The following GRIN2C variants were observed in gnomAD, a reference collection of about 807,000 sequenced individuals.
The protein encoded by GRIN2C is glutamate receptor ionotropic, NMDA 2C.
In GRIN2C, 64 loss-of-function variants were observed where a neutral mutation model predicts 77.7. The ratio of observed to expected loss-of-function variants is 0.82; its 90% CI spans 0.67 to 1.01. The LOEUF is 1.01. GRIN2C is among the 50% of genes least tolerant of loss of function. The pLI is 0.00. For synonymous variants in GRIN2C, 792 were observed against 643.4 expected, an observed-to-expected ratio of 1.23 and a Z score of -3.49; for missense variants, 1,549 against 1,486.0, an observed-to-expected ratio of 1.04 and a Z score of -0.70.
chr17:74,855,864 G>A (rs949080678), intron 1 of GRIN2C, among the ~76,000 whole-genome samples: 22 of 152,236 alleles, frequency 1.4e-4, no homozygotes, highest in African/African-American at 3.9e-4. Context: ...GGCACTGGAC[G>A]TCACTACAGC....
intron 2 of GRIN2C, chr17:74,852,829 C>G: frequency 2.4e-6 from 1 of 417,642 alleles, no homozygotes; most frequent in Non-Finnish European, 4.2e-6. Flanking sequence ...CACGCTGGCC[C>G]GCAGACCCGC....
upstream of GRIN2C, among the ~76,000 whole-genome samples, chr17:74,860,112 C>T (rs2037918815): frequency 6.6e-6 from 1 of 152,066 alleles, no homozygotes; most frequent in African/African-American, 2.4e-5. Context: ...ATCCCAGGCC[C>T]GCCCGGGGGC....
At chr17:74,857,726 G>T (rs1163209913) in intron 1 of GRIN2C, among the ~76,000 whole-genome samples, 1 of 152,118 alleles carries the variant, frequency 6.6e-6, no homozygotes, top group East Asian at 1.9e-4. Flanking sequence ...GATCTGTGCT[G>T]CCCAGTATAG....
rs765894647 is a variant in GRIN2C, at chr17:74,842,610, G to C, written c.3527C>G (p.Ser1176Cys). The change falls in exon 13 of 13, where the codon TCC becomes TGC. Residue 1176 changes from serine (S) to cysteine (C), a missense_variant. Ser to Cys is a moderately radical substitution (Grantham distance 112). This residue lies in a region of GRIN2C where 450 missense variants were observed against 267.9 expected (regional missense o/e 1.68). Coordinates refer to ENST00000293190, the MANE Select transcript of GRIN2C (RefSeq NM_000835.6). ...PHLPPCASHG[S>C]WLSGAWGPLG... ...AGGCCCCCAGGCCCCGGAGAGCCAG[G>C]AGCCGTGGCTGGCACAGGGTGGAAG... 28 of 763,524 alleles carry C rather than the reference G, an allele frequency of 3.7e-5. 1 individual carries two copies. In the South Asian group the frequency reaches 3.7e-4, roughly 10 times the overall value. 47.3% of individuals were successfully genotyped at this position (763,524 alleles called of 1,614,324 possible).
At chr17:74,844,701 C>T (rs1428959415) in intron 11 of GRIN2C, among the ~76,000 whole-genome samples, 193 bp from the exon 12 acceptor site, 1 of 152,046 alleles carries the variant, frequency 6.6e-6, no homozygotes, top group Non-Finnish European at 1.5e-5. Flanking sequence ...GGTCAGTGAG[C>T]AAGGAAATAG....
chr17:74,843,275 C>A lies in GRIN2C; in HGVS notation c.2862G>T (p.Glu954Asp). 1 of 990,638 alleles carries A rather than the reference C, an allele frequency of 1.0e-6. No homozygotes were observed. The highest frequency in any genetic ancestry group is 1.7e-5 in the African/African-American group (1 of 58,216). 61.4% of individuals were successfully genotyped at this position (990,638 alleles called of 1,614,324 possible). The change falls in exon 13 of 13, where the codon GAG (glutamate) becomes GAT (aspartate). Residue 954 changes from glutamate (E) to aspartate (D), a missense_variant. Physicochemically the swap from Glu to Asp is conservative, Grantham distance 45. Transcript: ENST00000293190. The stretch of plus-strand genomic sequence containing the variant: ...GCGGTCCCCAGCCCGTGGGGCTCGG[C>A]TCTGGGGGCGGGTCGGGGGTGGGCA... ...PCLPTPDPPP[E>D]PSPTGWGPPD... is the part of the protein sequence containing the mutation.
At chr17:74,844,200 G>A (rs1317565008) in intron 12 of GRIN2C, 76 bp downstream of exon 12, 1 of 1,576,382 alleles carries the variant, frequency 6.3e-7, no homozygotes, top group Non-Finnish European at 8.6e-7. Context: ...TCTGGAAATG[G>A]GCCATGGCCA....
intron 2 of GRIN2C, 29 bp from the exon 3 acceptor site, chr17:74,852,640 G>GA (rs1473770074): frequency 1.7e-5 from 16 of 934,084 alleles, no homozygotes; most frequent in Non-Finnish European, 2.1e-5. Context: ...TGAGCGGGGC[G>GA]GGAGGGCCGA....
intron 12 of GRIN2C, chr17:74,844,057 A>C: frequency 1.1e-6 from 1 of 879,952 alleles, no homozygotes; most frequent in Non-Finnish European, 1.7e-6. Context: ...TATTTTCTGT[A>C]GAGATGGGTT....
Position 74,850,601 on chromosome 17 carries a change from A to G in GRIN2C, c.1280T>C (p.Val427Ala). ...CCTGCGGCAGGGCACGGTGTTGGGG[A>G]CACAGCCTCCTGTGCCAGGGTCAGG... ...ESPDPGTGGC[V>A]PNTVPCRRQS... Residue 427 changes from valine to alanine, a missense_variant, in exon 5 of 13, where the codon GTC becomes GCC. Physicochemically the swap from Val to Ala is moderately conservative, Grantham distance 64 (BLOSUM62 0). Around this residue, in one of 3 missense-constraint regions of GRIN2C, gnomAD observed 717 missense variants for 858.1 expected, o/e 0.84. Transcript: ENST00000293190. The surrounding 1 kb of genome is among the most constrained non-coding windows in gnomAD (Gnocchi z 5.3). 6.2e-7 allele frequency: 1 copy of G among 1,613,566 alleles called. No individual in the cohort carries two copies. Among genetic ancestry groups the G allele is most frequent in the South Asian group, 1.1e-5 (1 of 91,082 alleles).
At position 74,852,405 on chromosome 17, in the gene GRIN2C, C is replaced by T; in HGVS notation, c.606G>A (p.Glu202=). Residue 202 remains glutamate (E), a synonymous_variant, in exon 3 of 13, where the codon GAG becomes GAA. Coordinates refer to ENST00000293190, the MANE Select transcript of GRIN2C (RefSeq NM_000835.6). ...GCGCGCGCGGCCCTCCCGGGCCCAG[C>T]TCCAGCGTGACCACGTCCAGCAGCC... ...SWRLLDVVTL[E]LGPGGPRART... is the part of the protein sequence containing the mutation. The T allele has an allele frequency of 6.7e-7, 1 of 1,492,106 alleles. No individual in the cohort carries two copies. Among genetic ancestry groups the T allele is most frequent in the Non-Finnish European group, 8.9e-7 (1 of 1,128,442 alleles). The allele number at this position is 1,492,106 out of a possible 1,614,324, so 92.4% of individuals were successfully genotyped here.
chr17:74,843,354 C>A lies in GRIN2C; in HGVS notation c.2783G>T (p.Arg928Leu), dbSNP rs756475049. 6.6e-7 allele frequency: 1 copy of A among 1,520,470 alleles called. No individual in the cohort carries two copies. Among genetic ancestry groups the A allele is most frequent in the African/African-American group, 1.4e-5 (1 of 72,044 alleles). The allele number at this position is 1,520,470 out of a possible 1,614,324, so 94.2% of individuals were successfully genotyped here. The change falls in exon 13 of 13, where the codon CGT (arginine) becomes CTT (leucine). Residue 928 changes from arginine (R) to leucine (L), a missense_variant. By Grantham distance (102) the Arg-to-Leu change is moderately radical. Around this residue, in one of 3 missense-constraint regions of GRIN2C, gnomAD observed 450 missense variants for 267.9 expected, o/e 1.68. Coordinates refer to ENST00000293190, the MANE Select transcript of GRIN2C (RefSeq NM_000835.6). ...RTIENWGGGR[R>L]APPPSPCPTP... ...CGGGCAGGGGGACGGTGGGGGCGCA[C>A]GGCGGCCGCCACCCCAATTCTCGAT...
In GRIN2C at chr17:74,849,412, C is replaced by T. The variant is rs1214200442; in HGVS notation, c.1645+368G>A. 6.6e-6 allele frequency among the ~76,000 whole-genome samples: 1 copy of T among 152,206 alleles called. No homozygotes were observed. The highest frequency in any genetic ancestry group is 1.9e-4 in the East Asian group (1 of 5,196). On this transcript the variant is annotated intron_variant, in intron 7 of 12. Coordinates refer to ENST00000293190, the MANE Select transcript of GRIN2C (RefSeq NM_000835.6). The surrounding 1 kb of genome is among the most constrained non-coding windows in gnomAD (Gnocchi z 4.6). Reference sequence around the variant, plus strand: ...GCCGGACTCCTCACCCAGGAAGCAACACACCTCTTCGCACACTACACTCGC... The same window carrying T: ...GCCGGACTCCTCACCCAGGAAGCAATACACCTCTTCGCACACTACACTCGC...
Position 74,859,700 on chromosome 17 carries a change from C to G in GRIN2C, c.-16+44G>C, listed in dbSNP as rs1371843825. The stretch of plus-strand genomic sequence containing the variant: ...CGGACCCCGCCCGGACTCCCCCTGG[C>G]CACCGGGACGCCCCGCCCCCTCCCC... On this transcript the variant is annotated intron_variant, in intron 1 of 12. Coordinates refer to ENST00000293190, the MANE Select transcript of GRIN2C (RefSeq NM_000835.6). The surrounding 1 kb of genome is among the most constrained non-coding windows in gnomAD (Gnocchi z 5.9). The G allele has an allele frequency of 6.6e-6, 1 of 152,264 alleles. No homozygotes were observed. The highest frequency in any genetic ancestry group is 1.5e-5 in the Non-Finnish European group (1 of 68,112). The allele number at this position is 152,264 out of a possible 1,614,324, so 9.4% of individuals were successfully genotyped here. A position where few individuals can be genotyped will look rare whatever the true frequency, so the allele number is the denominator to read the frequency against.
chr17:74,858,623 A>AC (rs2037880761), intron 1 of GRIN2C, among the ~76,000 whole-genome samples: 1 of 16,042 alleles, frequency 6.2e-5, no homozygotes, highest in Non-Finnish European at 1.2e-4. Flanking sequence ...CCACCTACCC[A>AC]CCCCCGCCAG....
At chr17:74,857,741 C>T (rs780590818) in intron 1 of GRIN2C, among the ~76,000 whole-genome samples, 2 of 152,178 alleles carry the variant, frequency 1.3e-5, no homozygotes, top group Non-Finnish European at 2.9e-5. Flanking sequence ...GTATAGGAGC[C>T]GCCAGTCATA....
chr17:74,846,896 G>T lies in GRIN2C; in HGVS notation c.2026C>A (p.Pro676Thr), dbSNP rs773948754. Residue 676 changes from proline to threonine, a missense_variant, in exon 10 of 13, where the codon CCA becomes ACA. Pro to Thr is a conservative substitution (Grantham distance 38). Coordinates refer to ENST00000293190, the MANE Select transcript of GRIN2C (RefSeq NM_000835.6). This position sits in a 1 kb window ranked among gnomAD's most constrained non-coding sequence, Gnocchi z 4.4. ...GGCACCGTGCCGAAGCGGAAAGGTG[G>T]GTACTGATCTTGAGGCCGCTGAAAC... ...KKFQRPQDQY[P>T]PFRFGTVPNG... 4 of 1,612,148 alleles carry T rather than the reference G, an allele frequency of 2.5e-6. No homozygotes were observed. The African/African-American group carries it at 5.3e-5, about 22-fold the overall frequency.
At position 74,843,384 on chromosome 17, in the gene GRIN2C, C is replaced by G; in HGVS notation, c.2753G>C (p.Arg918Pro). Reference sequence around the variant, plus strand: ...GCCGCCACCCCAATTCTCGATGGTGCGAGTGGCGCGGTCCAGGGAGCTGCT... The same window carrying G: ...GCCGCCACCCCAATTCTCGATGGTGGGAGTGGCGCGGTCCAGGGAGCTGCT... The part of the protein sequence containing the change: ...GVSSSLDRAT[R>P]TIENWGGGRR... Residue 918 changes from arginine (R) to proline (P), a missense_variant, in exon 13 of 13, where the codon CGC (arginine) becomes CCC (proline). This residue lies in a region of GRIN2C where 450 missense variants were observed against 267.9 expected (regional missense o/e 1.68). Coordinates refer to ENST00000293190, the MANE Select transcript of GRIN2C (RefSeq NM_000835.6). 1.3e-6 allele frequency: 2 copies of G among 1,532,374 alleles called. No homozygotes were observed. The highest frequency in any genetic ancestry group is 1.7e-6 in the Non-Finnish European group (2 of 1,144,068). The allele number at this position is 1,532,374 out of a possible 1,614,324, so 94.9% of individuals were successfully genotyped here.
chr17:74,854,990 C>T lies in GRIN2C; in HGVS notation c.103G>A (p.Val35Met). The T allele has an allele frequency of 6.2e-7, 1 of 1,608,388 alleles. No individual in the cohort carries two copies. The change falls in exon 2 of 13, where the codon GTG becomes ATG. Residue 35 changes from valine (V) to methionine (M), a missense_variant. Around this residue, in one of 3 missense-constraint regions of GRIN2C, gnomAD observed 382 missense variants for 360.0 expected, o/e 1.06. Coordinates refer to ENST00000293190, the MANE Select transcript of GRIN2C (RefSeq NM_000835.6). ...TGGGGCGGCCCTGAGCTGCTAAACA[C>T]CACGGCCACCGTCATGCCCTGCTCG... ...QGEQGMTVAV[V>M]FSSSGPPQAQ... is the part of the protein sequence containing the mutation.
Sources: gnomAD v4.1 joint callset for allele counts (sites outside exome capture counted in the v4.1 genomes callset) on GRCh38, gnomAD v4.1.1 for gene constraint, gnomAD v4.1.1 regional missense constraint, Gnocchi (gnomAD v3.1) non-coding constraint, MANE v1.5 for transcripts, NCBI Gene and HGNC (gene_info 2026-07-23, HGNC 2026-07-21) for gene names.